LRFN5: variants seen among roughly 807,000 people sequenced by gnomAD.
LRFN5 encodes the protein leucine rich repeat and fibronectin type III domain containing 5.
LRFN5 carries 24 observed loss-of-function variants against 45.6 expected under a neutral mutation model. The observed-to-expected ratio is 0.53, with a 90% CI of 0.38 to 0.74. LRFN5 has a LOEUF of 0.74. LRFN5 is among the 30% of genes least tolerant of loss of function. The pLI, the probability that LRFN5 is intolerant of heterozygous loss-of-function variation, is 0.00. For synonymous variants in LRFN5, 340 were observed against 313.8 expected, an observed-to-expected ratio of 1.08 and a Z score of -0.88; for missense variants, 776 against 861.5, an observed-to-expected ratio of 0.90 and a Z score of 1.24.
At chr14:41,681,824 A>ATTTT (rs201760109) in intron 1 of LRFN5, among the ~76,000 whole-genome samples, 13 of 70,118 alleles carry the variant, frequency 1.9e-4, no homozygotes, top group African/African-American at 4.1e-4. Flanking sequence ...TTATTTATTT[A>ATTTT]TTTTTTTTTT....
chr14:41,876,390 C>T (rs540365545), intron 2 of LRFN5, among the ~76,000 whole-genome samples: 1 of 147,794 alleles, frequency 6.8e-6, no homozygotes, highest in Admixed American at 6.9e-5. Context: ...ACGCCCTTCT[C>T]CTGCCTCAGC....
intron 1 of LRFN5, among the ~76,000 whole-genome samples, chr14:41,682,295 A>G (rs1436796736): frequency 2.0e-5 from 3 of 151,992 alleles, no homozygotes; most frequent in African/African-American, 7.2e-5. Context: ...ACTTGTCAAG[A>G]CATAGACAGT....
intron 1 of LRFN5, among the ~76,000 whole-genome samples, chr14:41,650,116 C>T (rs1051748282): frequency 1.3e-5 from 2 of 151,808 alleles, no homozygotes; most frequent in African/African-American, 4.8e-5. Context: ...CAACACAAGC[C>T]GAGCGTGGTG....
intron 2 of LRFN5, among the ~76,000 whole-genome samples, chr14:41,776,748 G>A (rs983686114): frequency 8.5e-5 from 13 of 152,132 alleles, no homozygotes; most frequent in South Asian, 2.1e-4. Flanking sequence ...CTGTGTGTGC[G>A]TGTGTGCTTT....
intron 2 of LRFN5, among the ~76,000 whole-genome samples, chr14:41,833,610 A>G (rs1345061272): frequency 6.6e-6 from 1 of 152,208 alleles, no homozygotes; most frequent in Admixed American, 6.5e-5. Flanking sequence ...TGATGTTTTA[A>G]TGCTACAGCT....
At chr14:41,842,091 A>G (rs1197121076) in intron 2 of LRFN5, among the ~76,000 whole-genome samples, 2 of 151,994 alleles carry the variant, frequency 1.3e-5, no homozygotes, top group African/African-American at 4.8e-5. Context: ...ATACCACACA[A>G]TTTGATATAT....
intron 2 of LRFN5, among the ~76,000 whole-genome samples, chr14:41,862,920 A>G (rs141273667): frequency 7.3e-6 from 1 of 136,670 alleles, no homozygotes; most frequent in Non-Finnish European, 1.5e-5. Context: ...GCTGGAGTGC[A>G]GTGGCGCAAT....
chr14:41,658,398 G>A (rs1880477032), intron 1 of LRFN5, among the ~76,000 whole-genome samples: 1 of 151,880 alleles, frequency 6.6e-6, no homozygotes, highest in Non-Finnish European at 1.5e-5. Context: ...TTAATACATG[G>A]AACTTTGTCC....
At position 41,754,750 on chromosome 14, in the gene LRFN5, G is replaced by A. The variant is rs1280351073; in HGVS notation, c.-196-12104G>A. Among the ~76,000 whole-genome samples, 4 of 151,934 alleles carry A rather than the reference G, an allele frequency of 2.6e-5. No homozygotes were observed. In the South Asian group the frequency reaches 6.2e-4, roughly 24 times the overall value. ...TTCATTGATTTTTGAAGCGTTTTTT[G>A]TGTCTCTGTTTCCTTCAGTTCTGCT... On this transcript the variant is annotated intron_variant, in intron 1 of 5. Coordinates refer to ENST00000298119, the MANE Select transcript of LRFN5 (RefSeq NM_152447.5).
chr14:41,691,911 C>T (rs1037323337), intron 1 of LRFN5, among the ~76,000 whole-genome samples: 1 of 152,064 alleles, frequency 6.6e-6, no homozygotes, highest in African/African-American at 2.4e-5. Context: ...CAGTATTTTG[C>T]TCCTTTTCAT....
chr14:41,675,185 A>C (rs909179498), intron 1 of LRFN5, among the ~76,000 whole-genome samples: 1 of 152,108 alleles, frequency 6.6e-6, no homozygotes, highest in African/African-American at 2.4e-5. Flanking sequence ...GACGCTCCTC[A>C]CTTCCCAGAC....
At chr14:41,654,162 C>T (rs1392852405) in intron 1 of LRFN5, among the ~76,000 whole-genome samples, 2 of 151,512 alleles carry the variant, frequency 1.3e-5, no homozygotes, top group African/African-American at 4.9e-5. Flanking sequence ...CACACCTGCA[C>T]GTTGTGCACA....
chr14:41,680,347 G>A (rs1401134788), intron 1 of LRFN5, among the ~76,000 whole-genome samples: 1 of 152,174 alleles, frequency 6.6e-6, no homozygotes, highest in Non-Finnish European at 1.5e-5. Flanking sequence ...CTGACCCAGT[G>A]CATTCCTAAT....
intron 1 of LRFN5, among the ~76,000 whole-genome samples, chr14:41,635,869 C>G (rs553421902): frequency 6.6e-6 from 1 of 152,110 alleles, no homozygotes; most frequent in South Asian, 2.1e-4. Flanking sequence ...CAGAATCTGT[C>G]CATACTAGTT....
At chr14:41,815,189 A>G (rs1282160267) in intron 2 of LRFN5, among the ~76,000 whole-genome samples, 2 of 152,048 alleles carry the variant, frequency 1.3e-5, no homozygotes, top group African/African-American at 2.4e-5. Context: ...TTGCCATCCT[A>G]TCAGTTTTTG....
chr14:41,757,478 C>G (rs1055261727), intron 1 of LRFN5, among the ~76,000 whole-genome samples: 3 of 152,236 alleles, frequency 2.0e-5, no homozygotes, highest in Admixed American at 6.5e-5. Flanking sequence ...CCCCCAGCCT[C>G]GCTGCCGCCT....
At chr14:41,754,668 C>T (rs867248710) in intron 1 of LRFN5, among the ~76,000 whole-genome samples, 11 of 151,958 alleles carry the variant, frequency 7.2e-5, no homozygotes, top group Middle Eastern at 3.4e-3. Flanking sequence ...TCTTCTTTAT[C>T]AGTCTTGCTA....
At chr14:41,743,868 T>C (rs1169675145) in intron 1 of LRFN5, among the ~76,000 whole-genome samples, 1 of 152,102 alleles carries the variant, frequency 6.6e-6, no homozygotes, top group Non-Finnish European at 1.5e-5. Flanking sequence ...GTTTGTACTT[T>C]AGGAAAAAAT....
chr14:41,849,288 A>G (rs1446069778), intron 2 of LRFN5, among the ~76,000 whole-genome samples: 1 of 152,056 alleles, frequency 6.6e-6, no homozygotes, highest in Non-Finnish European at 1.5e-5. Flanking sequence ...TTTGAGAAGA[A>G]GATCTTAACC....
Sources: gnomAD v4.1 joint callset for allele counts (sites outside exome capture counted in the v4.1 genomes callset) on GRCh38, gnomAD v4.1.1 for gene constraint, MANE v1.5 for transcripts, NCBI Gene and HGNC (gene_info 2026-07-23, HGNC 2026-07-21) for gene names.